Variants in TMEM178A observed in about 807,000 individuals in gnomAD.
TMEM178A encodes transmembrane protein 178.
A neutral mutation model predicts 29.1 loss-of-function variants in TMEM178A; 12 were observed. The observed-to-expected ratio is 0.41, with a 90% CI of 0.26 to 0.67. The LOEUF (loss-of-function observed/expected upper bound fraction) is 0.67, where lower values mean the gene tolerates loss of function less well. TMEM178A is among the 30% of genes least tolerant of loss of function. TMEM178A has a pLI of 0.29. For missense variants in TMEM178A, 366 were observed against 419.1 expected (o/e 0.87, Z 1.11); for synonymous variants, 210 against 187.2 (o/e 1.12, Z -0.99).
chr2:39,683,751 A>G (rs2148069867), intron 1 of TMEM178A, among the ~76,000 whole-genome samples: 1 of 152,268 alleles, frequency 6.6e-6, no homozygotes, highest in African/African-American at 2.4e-5. Context: ...TTTTAACACA[A>G]TCAGTATGGA....
At chr2:39,733,192 GC>G in the TMEM178A span, among the ~76,000 whole-genome samples, 1 of 152,100 alleles carries the variant, frequency 6.6e-6, no homozygotes, top group Non-Finnish European at 1.5e-5. Flanking sequence ...CACCACATCC[GC>G]CCACCTTCCA....
chr2:39,717,406 C>A lies in TMEM178A; in HGVS notation c.*155C>A. The A allele has an allele frequency of 9.1e-7, 1 of 1,104,444 alleles. No individual in the cohort carries two copies. The highest frequency in any genetic ancestry group is 1.3e-6 in the Non-Finnish European group (1 of 798,974). The allele number at this position is 1,104,444 out of a possible 1,614,324, so 68.4% of individuals were successfully genotyped here. A position where few individuals can be genotyped will look rare whatever the true frequency, so the allele number is the denominator to read the frequency against. On this transcript the variant is annotated 3_prime_UTR_variant, in exon 4 of 4. Coordinates refer to ENST00000281961, the MANE Select transcript of TMEM178A (RefSeq NM_152390.3). ...TAGAAAATCATGCAAAACCTCCCAACCTTTCTAAGGACAAGACTACTGTGG... is the reference window on the plus strand; with the variant it reads ...TAGAAAATCATGCAAAACCTCCCAAACTTTCTAAGGACAAGACTACTGTGG...
chr2:39,679,468 CA>C (rs1181455487), intron 1 of TMEM178A, among the ~76,000 whole-genome samples: 2 of 150,514 alleles, frequency 1.3e-5, no homozygotes, highest in East Asian at 2.0e-4. Context: ...TTGAAGTATT[CA>C]AAAAAAATCA....
At chr2:39,677,335 A>G (rs1050962269) in intron 1 of TMEM178A, among the ~76,000 whole-genome samples, 6 of 152,098 alleles carry the variant, frequency 3.9e-5, no homozygotes, top group African/African-American at 1.4e-4. Flanking sequence ...ACAACAACAT[A>G]TTTCATTTCT....
chr2:39,704,295 C>T (rs1255412234), intron 2 of TMEM178A, 101 bp downstream of exon 2: 1 of 912,786 alleles, frequency 1.1e-6, no homozygotes, highest in Non-Finnish European at 1.7e-6. Flanking sequence ...TGTTCTTATC[C>T]TCTGTGAGCC....
At chr2:39,682,923 C>T (rs1208623312) in intron 1 of TMEM178A, among the ~76,000 whole-genome samples, 2 of 152,192 alleles carry the variant, frequency 1.3e-5, no homozygotes, top group Non-Finnish European at 2.9e-5. Flanking sequence ...CTCCTCTTCA[C>T]AGCCTGGGCT....
intron 1 of TMEM178A, among the ~76,000 whole-genome samples, chr2:39,668,457 G>A (rs1334615325): frequency 1.3e-5 from 2 of 152,194 alleles, no homozygotes; most frequent in African/African-American, 4.8e-5. Context: ...CCCCATTGCT[G>A]GCTCTGTTGC....
At chr2:39,731,507 T>A in the TMEM178A span, among the ~76,000 whole-genome samples, 3 of 152,186 alleles carry the variant, frequency 2.0e-5, no homozygotes, top group African/African-American at 7.2e-5. Context: ...AAGCAGAACT[T>A]CTTTTACAAC....
At position 39,717,438 on chromosome 2, in the gene TMEM178A, G is replaced by A. The variant is rs970303294; in HGVS notation, c.*187G>A. 2 of 738,674 alleles carry A rather than the reference G, an allele frequency of 2.7e-6. No individual in the cohort carries two copies. Among genetic ancestry groups the A allele is most frequent in the African/African-American group, 1.8e-5 (1 of 56,618 alleles). 45.8% of individuals were successfully genotyped at this position (738,674 alleles called of 1,614,324 possible). ...AAGGACAAGACTACTGTGGATTCAAGTGCTTTAATGACTATTTATGCGTTG... is the reference window on the plus strand; with the variant it reads ...AAGGACAAGACTACTGTGGATTCAAATGCTTTAATGACTATTTATGCGTTG... On this transcript the variant is annotated 3_prime_UTR_variant, in exon 4 of 4. Transcript: ENST00000281961.
At chr2:39,677,067 G>T (rs1006310592) in intron 1 of TMEM178A, among the ~76,000 whole-genome samples, 5 of 152,152 alleles carry the variant, frequency 3.3e-5, no homozygotes, top group African/African-American at 7.2e-5. Flanking sequence ...AAGATCAGAA[G>T]GTGCAGTTGC....
intron 1 of TMEM178A, among the ~76,000 whole-genome samples, chr2:39,696,192 C>T (rs974214481): frequency 6.6e-6 from 1 of 152,136 alleles, no homozygotes; most frequent in African/African-American, 2.4e-5. Context: ...GCAAATTCTT[C>T]AGGAGTGAGG....
the TMEM178A span, among the ~76,000 whole-genome samples, chr2:39,730,898 A>G: frequency 3.3e-5 from 5 of 152,148 alleles, no homozygotes; most frequent in Admixed American, 1.3e-4. Context: ...AGCACCATCT[A>G]TTGGCTGTTG....
chr2:39,689,453 A>T (rs986849515), intron 1 of TMEM178A, among the ~76,000 whole-genome samples: 1 of 152,232 alleles, frequency 6.6e-6, no homozygotes, highest in African/African-American at 2.4e-5. Flanking sequence ...GCCATGTGCT[A>T]AATAAATGTT....
rs145075825 is a variant in TMEM178A at position 39,687,051 on chromosome 2, C to T, written c.401-17030C>T. Among the ~76,000 whole-genome samples, 521 of 148,686 alleles carry T rather than the reference C, an allele frequency of 3.5e-3. 3 individuals carry two copies. The highest frequency in any genetic ancestry group is 0.012 in the African/African-American group (502 of 40,170). ...TGCAGTGAGTAGGGTAGTAAAGTACCGGTCTGGACTGTCTGCAAGTTGTCT... is the reference window on the plus strand; with the variant it reads ...TGCAGTGAGTAGGGTAGTAAAGTACTGGTCTGGACTGTCTGCAAGTTGTCT... On this transcript the variant is annotated intron_variant, in intron 1 of 3. Coordinates refer to ENST00000281961, the MANE Select transcript of TMEM178A (RefSeq NM_152390.3).
chr2:39,696,320 T>A (rs925143141), intron 1 of TMEM178A, among the ~76,000 whole-genome samples: 2 of 152,188 alleles, frequency 1.3e-5, no homozygotes, highest in African/African-American at 4.8e-5. Flanking sequence ...GCACTTGGGT[T>A]AATCTGTGAT....
intron 2 of TMEM178A, among the ~76,000 whole-genome samples, chr2:39,706,127 T>A (rs1978327): frequency 1.3e-5 from 2 of 152,062 alleles, no homozygotes; most frequent in South Asian, 2.1e-4. Context: ...TGGAGGCAAC[T>A]TGTGTCCAGG....
At chr2:39,682,385 T>G (rs1224157814) in intron 1 of TMEM178A, among the ~76,000 whole-genome samples, 1 of 152,096 alleles carries the variant, frequency 6.6e-6, no homozygotes, top group Non-Finnish European at 1.5e-5. Context: ...TACTATGTTT[T>G]TTTTTTTTAA....
intron 1 of TMEM178A, among the ~76,000 whole-genome samples, chr2:39,694,072 G>C (rs1465027999): frequency 6.7e-6 from 1 of 150,078 alleles, no homozygotes; most frequent in Non-Finnish European, 1.5e-5. Context: ...TAGAGATAAT[G>C]TGTTTGCAGT....
the TMEM178A span, among the ~76,000 whole-genome samples, chr2:39,734,119 C>T: frequency 2.6e-5 from 4 of 152,146 alleles, no homozygotes; most frequent in Non-Finnish European, 2.9e-5. Flanking sequence ...ACTGTCTATG[C>T]TCACTATCTC....
Sources: gnomAD v4.1 joint callset for allele counts (sites outside exome capture counted in the v4.1 genomes callset) on GRCh38, gnomAD v4.1.1 for gene constraint, MANE v1.5 for transcripts, NCBI Gene and HGNC (gene_info 2026-07-23, HGNC 2026-07-21) for gene names.